TMTC3: variants seen among roughly 807,000 people sequenced by gnomAD.
TMTC3 encodes protein O-mannosyl-transferase TMTC3.
In TMTC3, 52 loss-of-function variants were observed where a neutral mutation model predicts 92.2. That is an observed-to-expected ratio of 0.56 (90% CI 0.45 to 0.71). The LOEUF is 0.71. Ranked by LOEUF, TMTC3 falls within the 30% of genes least tolerant of loss-of-function variation. The probability of loss-of-function intolerance (pLI) is 0.00; values close to 1 mark genes in which losing one functional copy is unlikely to be tolerated. For missense variants in TMTC3, 896 were observed against 1,057.1 expected (o/e 0.85, Z 2.11); for synonymous variants, 339 against 363.3 (o/e 0.93, Z 0.76).
intron 10 of TMTC3, among the ~76,000 whole-genome samples, chr12:88,185,409 T>C (rs999264901): frequency 6.6e-6 from 1 of 151,992 alleles, no homozygotes; most frequent in Non-Finnish European, 1.5e-5. Flanking sequence ...GTTGTATGAA[T>C]CAAAAACCCA....
intron 10 of TMTC3, among the ~76,000 whole-genome samples, chr12:88,179,521 G>C (rs2041294237): frequency 6.6e-6 from 1 of 152,120 alleles, no homozygotes; most frequent in Non-Finnish European, 1.5e-5. Context: ...CAATAAATAT[G>C]AGCTGGTAAG....
intron 6 of TMTC3, among the ~76,000 whole-genome samples, chr12:88,162,555 A>G: frequency 6.6e-6 from 1 of 152,070 alleles, no homozygotes; most frequent in Non-Finnish European, 1.5e-5. Context: ...TTTTTCTGCA[A>G]TATCTAATCT....
chr12:88,182,806 T>G (rs374043144), intron 10 of TMTC3, among the ~76,000 whole-genome samples: 5 of 152,300 alleles, frequency 3.3e-5, no homozygotes, highest in African/African-American at 1.2e-4. Flanking sequence ...AGGAAGCACT[T>G]CCCAATGAAA....
Position 88,194,984 on chromosome 12 carries a change from GC to G in TMTC3, c.2082del (p.Ile695Ter). On this transcript the variant is annotated frameshift_variant, in exon 14 of 14. Coordinates refer to ENST00000266712, the MANE Select transcript of TMTC3 (RefSeq NM_181783.4). LOFTEE classifies it high-confidence loss of function. ...TGAAGCAGAGATTTGGATGAAGAAA[GC>G]CATAAAGTTACAAGCCGACTTCCGA... is the stretch of plus-strand genomic sequence containing the variant. Reference protein sequence around the residue: ...DNEAEIWMKKAIKLQADFRSA... With the variant: ...DNEAEIWMKKXIKLQADFRSA... The G allele has an allele frequency of 6.2e-7, 1 of 1,613,752 alleles. No homozygotes were observed. Among genetic ancestry groups the G allele is most frequent in the Non-Finnish European group, 8.5e-7 (1 of 1,179,870 alleles).
chr12:88,193,501 C>T (rs966054397), intron 13 of TMTC3, among the ~76,000 whole-genome samples: 5 of 151,852 alleles, frequency 3.3e-5, no homozygotes, highest in Admixed American at 2.0e-4. Context: ...AGATACATTT[C>T]GTAAAACTTT....
At chr12:88,182,954 C>T (rs985980943) in intron 10 of TMTC3, among the ~76,000 whole-genome samples, 2 of 152,058 alleles carry the variant, frequency 1.3e-5, no homozygotes, top group Admixed American at 6.6e-5. Flanking sequence ...GGAATCGCCA[C>T]GGGGGAAGGG....
intron 1 of TMTC3, among the ~76,000 whole-genome samples, chr12:88,146,540 T>C (rs2040876021): frequency 6.6e-6 from 1 of 151,356 alleles, no homozygotes; most frequent in African/African-American, 2.4e-5. Flanking sequence ...TATAAGCACA[T>C]GAGTGACCCC....
chr12:88,163,596 T>C (rs966694457), intron 6 of TMTC3, among the ~76,000 whole-genome samples: 1 of 152,224 alleles, frequency 6.6e-6, no homozygotes, highest in African/African-American at 2.4e-5. Flanking sequence ...AACTGTCTGC[T>C]GGTTTCTGGT....
intron 12 of TMTC3, among the ~76,000 whole-genome samples, chr12:88,191,604 A>G (rs2041443327): frequency 6.6e-6 from 1 of 152,192 alleles, no homozygotes; most frequent in African/African-American, 2.4e-5. Context: ...GATTTATACA[A>G]TGGTTTCTTA....
At chr12:88,158,769 C>T (rs550957333) in intron 4 of TMTC3, among the ~76,000 whole-genome samples, 15 of 152,050 alleles carry the variant, frequency 9.9e-5, no homozygotes, top group African/African-American at 3.4e-4. Context: ...ACCGAGGTCA[C>T]GGCCGGGCAC....
chr12:88,191,743 A>G (rs1250221434), intron 12 of TMTC3, among the ~76,000 whole-genome samples: 1 of 151,812 alleles, frequency 6.6e-6, no homozygotes, highest in African/African-American at 2.4e-5. Context: ...AGAGTCTCAC[A>G]TTGTTACCCA....
chr12:88,148,618 A>G (rs2040904453), intron 2 of TMTC3, 114 bp downstream of exon 2: 2 of 790,402 alleles, frequency 2.5e-6, no homozygotes, highest in Non-Finnish European at 3.8e-6. Context: ...CAGATTTTTA[A>G]CCCTAAAATG....
chr12:88,166,307 C>A (rs1162915800), intron 6 of TMTC3, 23 bp from the exon 7 acceptor site: 11 of 1,581,804 alleles, frequency 7.0e-6, no homozygotes, highest in African/African-American at 1.4e-5. Context: ...TATTTGTAAT[C>A]TTTTTTTTAA....
intron 6 of TMTC3, among the ~76,000 whole-genome samples, chr12:88,161,406 T>C (rs1446101946): frequency 1.3e-5 from 2 of 152,122 alleles, no homozygotes; most frequent in Non-Finnish European, 2.9e-5. Context: ...GTGGTGTATC[T>C]TTTTCCATCT....
intron 2 of TMTC3, among the ~76,000 whole-genome samples, chr12:88,152,451 A>T (rs1489221567): frequency 6.6e-6 from 1 of 152,182 alleles, no homozygotes; most frequent in South Asian, 2.1e-4. Context: ...CAACCTCCTC[A>T]TATTTCAGCA....
intron 12 of TMTC3, 61 bp from the exon 13 acceptor site, chr12:88,192,543 T>C: frequency 7.5e-7 from 1 of 1,336,712 alleles, no homozygotes. Context: ...TTGGCAAAAA[T>C]TGTATCTACA....
chr12:88,174,825 C>T (rs1266614675), intron 9 of TMTC3, 98 bp downstream of exon 9: 8 of 1,422,336 alleles, frequency 5.6e-6, no homozygotes, highest in Non-Finnish European at 7.8e-6. Flanking sequence ...AGACATTTAA[C>T]AGTCAATATT....
intron 2 of TMTC3, among the ~76,000 whole-genome samples, chr12:88,150,274 A>G (rs2040926554): frequency 6.6e-6 from 1 of 152,144 alleles, no homozygotes; most frequent in African/African-American, 2.4e-5. Context: ...ACAGTTTTGA[A>G]CAGCCAGCTC....
chr12:88,172,753 T>C lies in TMTC3; in HGVS notation c.1199+8T>C. 6.3e-7 allele frequency: 1 copy of C among 1,589,778 alleles called. No homozygotes were observed. The highest frequency in any genetic ancestry group is 8.5e-7 in the Non-Finnish European group (1 of 1,171,798). On this transcript the variant is annotated splice_region_variant and intron_variant, in intron 8 of 13. Transcript: ENST00000266712. ...GAAAATATCAACAAAAAGGTGAATT[T>C]AAATGTCAGTTCATGTAATGCTTAC...
Sources: allele counts gnomAD v4.1 joint callset (sites outside exome capture counted in the v4.1 genomes callset), GRCh38; gene constraint gnomAD v4.1.1; transcripts MANE v1.5; gene names NCBI Gene and HGNC (gene_info 2026-07-23, HGNC 2026-07-21).